ROS1: variants seen among roughly 807,000 people sequenced by gnomAD.
The protein encoded by ROS1 is ROS proto-oncogene 1, receptor tyrosine kinase.
Under a neutral mutation model 273.5 loss-of-function variants are expected in ROS1, and 263 were observed. The ratio of observed to expected loss-of-function variants is 0.96; its 90% confidence interval spans 0.87 to 1.06. The LOEUF is 1.06. Among genes scored for constraint, ROS1 ranks in the 50% least tolerant of loss-of-function variants. ROS1 has a pLI of 0.00. For synonymous variants in ROS1, 1,008 were observed against 954.1 expected, an observed-to-expected ratio of 1.06 and a Z score of -1.04; for missense variants, 2,833 against 2,751.1, an observed-to-expected ratio of 1.03 and a Z score of -0.67.
chr6:117,308,700 T>G lies in ROS1; in HGVS notation c.6551+94A>C, dbSNP rs756151475. ...TACAATATTTAAGTTCCAGTTCTTA[T>G]TTTAACAATTTAACAAACTATATCA... On this transcript the variant is annotated intron_variant, in intron 42 of 43. Transcript: ENST00000368507. The G allele has an allele frequency of 3.9e-6, 5 of 1,277,090 alleles. No individual in the cohort carries two copies. In the African/African-American group the frequency reaches 6.0e-5, roughly 15 times the overall value. 79.1% of individuals were successfully genotyped at this position (1,277,090 alleles called of 1,614,324 possible).
intron 28 of ROS1, 105 bp downstream of exon 28, chr6:117,343,955 C>G (rs1349897914): frequency 1.1e-6 from 1 of 919,514 alleles, no homozygotes; most frequent in Non-Finnish European, 1.7e-6. Flanking sequence ...AAGTTGCGTA[C>G]TAGTCCATTT....
intron 36 of ROS1, 50 bp from the exon 37 acceptor site, chr6:117,320,080 G>A (rs1216067252): frequency 2.0e-6 from 3 of 1,516,994 alleles, no homozygotes; most frequent in African/African-American, 1.4e-5. Context: ...TATATAGGGT[G>A]TACAAGTTTG....
rs749651979 is a variant in ROS1 at position 117,337,185 on chromosome 6, G to T, written c.5217C>A (p.Ser1739Arg). The stretch of plus-strand genomic sequence containing the variant: ...GTTAGTACTCACCTTTTGTCTTAAA[G>T]CTTTCTGGAAGTGAGGTGCTATTTT... ...TGENSTSLPE[S>R]FKTKAGVPNK... is the part of the protein sequence containing the mutation. Residue 1739 changes from serine (S) to arginine (R), a missense_variant, in exon 32 of 44, where the codon AGC (serine) becomes AGA (arginine). Coordinates refer to ENST00000368507, the MANE Select transcript of ROS1 (RefSeq NM_001378902.1). The T allele has an allele frequency of 6.2e-7, 1 of 1,611,886 alleles. No homozygotes were observed. The highest frequency in any genetic ancestry group is 1.7e-5 in the Admixed American group (1 of 59,826).
Position 117,301,014 on chromosome 6 carries a change from A to G in ROS1, c.6675T>C (p.Asp2225=), listed in dbSNP as rs1341332039. ...FFLNSIYKSR[D]EANNSGVINE... is the part of the protein sequence containing the mutation. ...TTATGACTCCACTGTTGTTTGCTTC[A>G]TCTCTGGACTTATAAATGCTATTTA... is the stretch of plus-strand genomic sequence containing the variant. Residue 2225 remains aspartate (D), a synonymous_variant, in exon 43 of 44, where the codon GAT becomes GAC. Transcript: ENST00000368507. 5 of 1,591,212 alleles carry G rather than the reference A, an allele frequency of 3.1e-6. No homozygotes were observed. The highest frequency in any genetic ancestry group is 2.7e-5 in the African/African-American group (2 of 74,070).
At chr6:117,368,801 T>TA (rs5879418) in intron 18 of ROS1, among the ~76,000 whole-genome samples, 30,405 of 152,026 alleles carry the variant, frequency 0.2, 3,399 homozygotes, top group Admixed American at 0.34. Context: ...TATGAAAACT[T>TA]AGTTTGCAAA....
At chr6:117,346,441 CTTA>C (rs1333771459) in intron 27 of ROS1, among the ~76,000 whole-genome samples, 10 of 151,652 alleles carry the variant, frequency 6.6e-5, no homozygotes, top group Non-Finnish European at 1.3e-4. Flanking sequence ...TAATCATACT[CTTA>C]ATGAGTTCCA....
At chr6:117,378,849 A>G (rs1273749461) in intron 18 of ROS1, among the ~76,000 whole-genome samples, 1 of 152,160 alleles carries the variant, frequency 6.6e-6, no homozygotes, top group East Asian at 1.9e-4. Context: ...GAGTGTCTAT[A>G]CTGTACTCTC....
At chr6:117,290,285 T>C (rs1192747474) in intron 43 of ROS1, among the ~76,000 whole-genome samples, 1 of 152,220 alleles carries the variant, frequency 6.6e-6, no homozygotes, top group Non-Finnish European at 1.5e-5. Context: ...AGAAAAATCA[T>C]TAGCTAACTA....
chr6:117,337,932 G>C (rs894295609), intron 31 of ROS1, among the ~76,000 whole-genome samples: 4 of 151,986 alleles, frequency 2.6e-5, no homozygotes, highest in African/African-American at 9.7e-5. Context: ...CTATTATGAA[G>C]CTACTAAGTA....
chr6:117,390,526 C>T (rs1236650475), intron 12 of ROS1, among the ~76,000 whole-genome samples: 1 of 152,202 alleles, frequency 6.6e-6, no homozygotes, highest in African/African-American at 2.4e-5. Flanking sequence ...AAAAAACACA[C>T]ATCCTTAAGT....
Position 117,386,929 on chromosome 6 carries a change from GCCAA to G in ROS1, c.2066_2069del (p.Phe689SerfsTer10), listed in dbSNP as rs1280159244. The G allele has an allele frequency of 1.9e-6, 3 of 1,612,146 alleles. No individual in the cohort carries two copies. In the South Asian group the frequency reaches 3.3e-5, roughly 18 times the overall value. On this transcript the variant is annotated frameshift_variant, in exon 15 of 44. Transcript: ENST00000368507. LOFTEE classifies it high-confidence loss of function. ...TATCAGAGGATAAGAACTCTCCTGG[GCCAA>G]AGCTATTTAATGGTTTACTCCAAAG...
chr6:117,411,648 T>C (rs553034771), intron 4 of ROS1, among the ~76,000 whole-genome samples: 18 of 152,150 alleles, frequency 1.2e-4, no homozygotes, highest in Non-Finnish European at 2.6e-4. Flanking sequence ...GCCAGTGCCC[T>C]TTCCAGCTTC....
intron 38 of ROS1, 52 bp from the exon 39 acceptor site, chr6:117,317,324 A>G (rs771685716): frequency 6.3e-7 from 1 of 1,577,042 alleles, no homozygotes; most frequent in South Asian, 1.2e-5. Context: ...CAGGAGTCCT[A>G]GCCGAGGGTC....
chr6:117,395,134 C>G (rs1235326474), intron 9 of ROS1, among the ~76,000 whole-genome samples: 1 of 152,100 alleles, frequency 6.6e-6, no homozygotes, highest in Admixed American at 6.6e-5. Flanking sequence ...CACTGGTTGT[C>G]TCTGTGTTGT....
chr6:117,321,975 T>G (rs995004483), intron 35 of ROS1, among the ~76,000 whole-genome samples: 1 of 151,870 alleles, frequency 6.6e-6, no homozygotes, highest in South Asian at 2.1e-4. Context: ...CATGAGTAAT[T>G]TGTACTGTCT....
chr6:117,364,409 G>A (rs1370229637), intron 21 of ROS1, among the ~76,000 whole-genome samples: 1 of 152,140 alleles, frequency 6.6e-6, no homozygotes, highest in Admixed American at 6.5e-5. Context: ...TCCCAGCCCA[G>A]CCACTTAGTA....
At chr6:117,325,841 C>A (rs903103521) in intron 34 of ROS1, among the ~76,000 whole-genome samples, 1 of 151,588 alleles carries the variant, frequency 6.6e-6, no homozygotes, top group Non-Finnish European at 1.5e-5. Context: ...GGGGAAGAAA[C>A]AAAGGTCTTA....
intron 13 of ROS1, among the ~76,000 whole-genome samples, chr6:117,389,013 T>C (rs17079107): frequency 0.015 from 2,281 of 152,294 alleles, 63 homozygotes; most frequent in African/African-American, 0.052. Context: ...CTGAAATTCA[T>C]GCAAGCTTTC....
intron 16 of ROS1, 78 bp downstream of exon 16, chr6:117,385,605 A>G (rs1772503320): frequency 7.6e-7 from 1 of 1,314,906 alleles, no homozygotes. Context: ...TTTAAAAAAA[A>G]AAAAGAAATT....
Sources: allele counts gnomAD v4.1 joint callset (sites outside exome capture counted in the v4.1 genomes callset), GRCh38; gene constraint gnomAD v4.1.1; transcripts MANE v1.5; gene names NCBI Gene and HGNC (gene_info 2026-07-23, HGNC 2026-07-21).